NUDT14: variants seen among roughly 807,000 people sequenced by gnomAD.
The protein encoded by NUDT14 is uridine diphosphate glucose pyrophosphatase NUDT14.
In NUDT14, 22 loss-of-function variants were observed where a neutral mutation model predicts 17.5. The ratio of observed to expected loss-of-function variants is 1.26; its 90% CI spans 0.90 to 1.80. The LOEUF (loss-of-function observed/expected upper bound fraction) is 1.80. Ranked by LOEUF, NUDT14 falls within the 40% of genes most tolerant of loss-of-function variation. The pLI, the probability that NUDT14 is intolerant of heterozygous loss-of-function variation, is 0.00. For synonymous variants in NUDT14, 129 were observed against 125.8 expected, an observed-to-expected ratio of 1.03 and a Z score of -0.17; for missense variants, 296 against 295.6, an observed-to-expected ratio of 1.00 and a Z score of -0.01.
intron 4 of NUDT14, among the ~76,000 whole-genome samples, chr14:105,175,310 G>A (rs1233054226): frequency 2.0e-5 from 3 of 152,254 alleles, no homozygotes; most frequent in East Asian, 3.8e-4. Flanking sequence ...GGCCCACCAC[G>A]GGGTAGACAC....
Position 105,181,249 on chromosome 14 carries a change from G to A in NUDT14, c.-40C>T, listed in dbSNP as rs1289546334. The A allele has an allele frequency of 1.1e-5, 5 of 457,156 alleles. No homozygotes were observed. The highest frequency in any genetic ancestry group is 7.6e-5 in the South Asian group (1 of 13,242). 28.3% of individuals were successfully genotyped at this position (457,156 alleles called of 1,614,324 possible). Reference sequence around the variant, plus strand: ...AGGCGGGGGCCGCGAGCTCTGCGGGGGCCGACACGGGGCGGCGCCCTGTCC... The same window carrying A: ...AGGCGGGGGCCGCGAGCTCTGCGGGAGCCGACACGGGGCGGCGCCCTGTCC... On this transcript the variant is annotated 5_prime_UTR_variant, in exon 1 of 5. Coordinates refer to ENST00000392568, the MANE Select transcript of NUDT14 (RefSeq NM_177533.5). This position sits in a 1 kb window ranked among gnomAD's most constrained non-coding sequence, Gnocchi z 5.0.
Position 105,177,822 on chromosome 14 carries a change from A to G in NUDT14, c.82-87T>C. The stretch of plus-strand genomic sequence containing the variant: ...AGGAGGCCACAGACCCATTGCACCC[A>G]CTCCTAACCAGGGAGATCGGCTCGT... On this transcript the variant is annotated intron_variant, in intron 1 of 4. Transcript: ENST00000392568. 3 of 1,257,502 alleles carry G rather than the reference A, an allele frequency of 2.4e-6. No individual in the cohort carries two copies. In the South Asian group the frequency reaches 3.7e-5, roughly 16 times the overall value. The allele number at this position is 1,257,502 out of a possible 1,614,324, so 77.9% of individuals were successfully genotyped here.
rs116285474 is a variant in NUDT14 at position 105,173,019 on chromosome 14, T to G, written c.*2A>C. On this transcript the variant is annotated 3_prime_UTR_variant, in exon 5 of 5. Transcript: ENST00000392568. The surrounding 1 kb of genome is among the most constrained non-coding windows in gnomAD (Gnocchi z 4.7). Reference sequence around the variant, plus strand: ...CTGGCCTCTGTCTAGAACCCTGGAGTCTCACTGGAGATCCAGGTTGGGGGC... The same window carrying G: ...CTGGCCTCTGTCTAGAACCCTGGAGGCTCACTGGAGATCCAGGTTGGGGGC... The G allele has an allele frequency of 6.7e-7, 1 of 1,503,414 alleles. No homozygotes were observed. The highest frequency in any genetic ancestry group is 2.3e-5 in the Admixed American group (1 of 44,172). The allele number at this position is 1,503,414 out of a possible 1,614,324, so 93.1% of individuals were successfully genotyped here.
At chr14:105,175,148 T>C (rs10220575) in intron 4 of NUDT14, among the ~76,000 whole-genome samples, 14,077 of 152,264 alleles carry the variant, frequency 0.092, 838 homozygotes, top group East Asian at 0.2. Flanking sequence ...CAGGGCTGCT[T>C]GACCACTTGC....
chr14:105,177,585 G>A lies in NUDT14; in HGVS notation c.125+107C>T, dbSNP rs1202381702. 2.9e-6 allele frequency: 3 copies of A among 1,052,424 alleles called. No homozygotes were observed. The African/African-American group carries it at 4.7e-5, about 17-fold the overall frequency. 65.2% of individuals were successfully genotyped at this position (1,052,424 alleles called of 1,614,324 possible). On this transcript the variant is annotated intron_variant, in intron 2 of 4. Transcript: ENST00000392568. ...AGAAGGGACTTTTGGAGCCCACGCAGGGAACAGCAACGTCAGGGAGGAGAG... is the reference window on the plus strand; with the variant it reads ...AGAAGGGACTTTTGGAGCCCACGCAAGGAACAGCAACGTCAGGGAGGAGAG...
rs768842524 is a variant in NUDT14, at chr14:105,176,754, C to A, written c.208G>T (p.Val70Leu). The change falls in exon 4 of 5, where the codon GTG becomes TTG. Residue 70 changes from valine to leucine, a missense_variant. Physicochemically the swap from Val to Leu is conservative, Grantham distance 32. Transcript: ENST00000392568. ...AGGGACCCTGGGAAGCGGCGCTCCA[C>A]CTCACCCGCATACACAGCTGCGTGG... The part of the protein sequence containing the change: ...QFRPAVYAGE[V>L]ERRFPGSLAA... The A allele has an allele frequency of 2.5e-6, 4 of 1,612,524 alleles. No individual in the cohort carries two copies. Among genetic ancestry groups the A allele is most frequent in the Non-Finnish European group, 3.4e-6 (4 of 1,179,932 alleles).
In NUDT14 at chr14:105,172,982, G is replaced by T; in HGVS notation, c.*39C>A. 6.8e-7 allele frequency: 1 copy of T among 1,463,022 alleles called. No individual in the cohort carries two copies. Among genetic ancestry groups the T allele is most frequent in the African/African-American group, 1.4e-5 (1 of 69,904 alleles). The allele number at this position is 1,463,022 out of a possible 1,614,324, so 90.6% of individuals were successfully genotyped here. A position where few individuals can be genotyped will look rare whatever the true frequency, so the allele number is the denominator to read the frequency against. On this transcript the variant is annotated 3_prime_UTR_variant, in exon 5 of 5. Coordinates refer to ENST00000392568, the MANE Select transcript of NUDT14 (RefSeq NM_177533.5). ...TATTGGGGTCCGCGGGGTGTGGGGT[G>T]AGTGGCCAAGACTGGCCTCTGTCTA...
Position 105,172,988 on chromosome 14 carries a change from C to T in NUDT14, c.*33G>A. 1.4e-6 allele frequency: 2 copies of T among 1,471,696 alleles called. No homozygotes were observed. Among genetic ancestry groups the T allele is most frequent in the Non-Finnish European group, 1.8e-6 (2 of 1,112,086 alleles). The allele number at this position is 1,471,696 out of a possible 1,614,324, so 91.2% of individuals were successfully genotyped here. On this transcript the variant is annotated 3_prime_UTR_variant, in exon 5 of 5. Coordinates refer to ENST00000392568, the MANE Select transcript of NUDT14 (RefSeq NM_177533.5). ...GGTCCGCGGGGTGTGGGGTGAGTGG[C>T]CAAGACTGGCCTCTGTCTAGAACCC...
chr14:105,177,683 G>A lies in NUDT14; in HGVS notation c.125+9C>T, dbSNP rs749698896. The A allele has an allele frequency of 3.1e-6, 5 of 1,612,154 alleles. No individual in the cohort carries two copies. The highest frequency in any genetic ancestry group is 1.7e-5 in the Admixed American group (1 of 59,996). ...CTTCCCCAGTGGCCAGGCTGGGCCA[G>A]GCTCTCACCTGTCATGCGTCTTCAT... On this transcript the variant is annotated intron_variant, in intron 2 of 4. Coordinates refer to ENST00000392568, the MANE Select transcript of NUDT14 (RefSeq NM_177533.5).
At position 105,176,459 on chromosome 14, in the gene NUDT14, C is replaced by T. The variant is rs181701749; in HGVS notation, c.428+75G>A. The T allele has an allele frequency of 1.2e-4, 140 of 1,214,142 alleles. No individual in the cohort carries two copies. The African/African-American group carries it at 2.0e-3, about 17-fold the overall frequency. 75.2% of individuals were successfully genotyped at this position (1,214,142 alleles called of 1,614,324 possible). Reference sequence around the variant, plus strand: ...AGGAGGAATCCATCCTGCTTGCACACTCCCAGGGACGGGGCCCTCACTCTC... The same window carrying T: ...AGGAGGAATCCATCCTGCTTGCACATTCCCAGGGACGGGGCCCTCACTCTC... On this transcript the variant is annotated intron_variant, in intron 4 of 4. Coordinates refer to ENST00000392568, the MANE Select transcript of NUDT14 (RefSeq NM_177533.5).
chr14:105,175,312 G>A (rs1401743298), intron 4 of NUDT14, among the ~76,000 whole-genome samples: 1 of 152,242 alleles, frequency 6.6e-6, no homozygotes, highest in Non-Finnish European at 1.5e-5. Context: ...CCCACCACGG[G>A]GTAGACACCT....
Position 105,172,963 on chromosome 14 carries a change from G to A in NUDT14, c.*58C>T. On this transcript the variant is annotated 3_prime_UTR_variant, in exon 5 of 5. Transcript: ENST00000392568. Reference sequence around the variant, plus strand: ...CTGGAGCTATGCAAGCCTTTATTGGGGTCCGCGGGGTGTGGGGTGAGTGGC... The same window carrying A: ...CTGGAGCTATGCAAGCCTTTATTGGAGTCCGCGGGGTGTGGGGTGAGTGGC... 6.9e-7 allele frequency: 1 copy of A among 1,442,952 alleles called. No homozygotes were observed. The highest frequency in any genetic ancestry group is 9.1e-7 in the Non-Finnish European group (1 of 1,096,678). 89.4% of individuals were successfully genotyped at this position (1,442,952 alleles called of 1,614,324 possible). A position where few individuals can be genotyped will look rare whatever the true frequency, so the allele number is the denominator to read the frequency against.
In NUDT14 at chr14:105,173,368, C is replaced by A; in HGVS notation, c.429-107G>T. The A allele has an allele frequency of 7.9e-7, 1 of 1,273,596 alleles. No homozygotes were observed. Among genetic ancestry groups the A allele is most frequent in the Non-Finnish European group, 1.0e-6 (1 of 986,098 alleles). The allele number at this position is 1,273,596 out of a possible 1,614,324, so 78.9% of individuals were successfully genotyped here. A position where few individuals can be genotyped will look rare whatever the true frequency, so the allele number is the denominator to read the frequency against. ...CCTCTCCACTCTGCTCCCTCCAGCC[C>A]TCCAGTAGGCAGGACTCTGGGATGC... On this transcript the variant is annotated intron_variant, in intron 4 of 4. Transcript: ENST00000392568. This position sits in a 1 kb window ranked among gnomAD's most constrained non-coding sequence, Gnocchi z 4.7.
chr14:105,177,060 C>T, intron 2 of NUDT14, 33 bp from the exon 3 acceptor site: 1 of 1,603,832 alleles, frequency 6.2e-7, no homozygotes, highest in Non-Finnish European at 8.5e-7. Flanking sequence ...AGCACAGAAG[C>T]ACTCCACTGG....
chr14:105,174,316 C>T (rs1595198273), intron 4 of NUDT14, among the ~76,000 whole-genome samples: 1 of 151,896 alleles, frequency 6.6e-6, no homozygotes, highest in Non-Finnish European at 1.5e-5. Flanking sequence ...AGGGGGAGGG[C>T]CAGGTGTGGA....
chr14:105,174,636 C>T (rs1052476356), intron 4 of NUDT14, among the ~76,000 whole-genome samples: 2 of 152,140 alleles, frequency 1.3e-5, no homozygotes, highest in African/African-American at 2.4e-5. Flanking sequence ...TTTCCGGCGG[C>T]GGCCGCGGCT....
chr14:105,172,958 ATTGG>A lies in NUDT14; in HGVS notation c.*59_*62del. 1 of 1,428,110 alleles carries A rather than the reference ATTGG, an allele frequency of 7.0e-7. No individual in the cohort carries two copies. The highest frequency in any genetic ancestry group is 1.7e-5 in the South Asian group (1 of 60,548). 88.5% of individuals were successfully genotyped at this position (1,428,110 alleles called of 1,614,324 possible). ...AGAAGCTGGAGCTATGCAAGCCTTT[ATTGG>A]GGTCCGCGGGGTGTGGGGTGAGTGG... On this transcript the variant is annotated 3_prime_UTR_variant, in exon 5 of 5. Transcript: ENST00000392568.
At position 105,173,267 on chromosome 14, in the gene NUDT14, G is replaced by C; in HGVS notation, c.429-6C>G. On this transcript the variant is annotated splice_polypyrimidine_tract_variant and splice_region_variant and intron_variant, in intron 4 of 4. Transcript: ENST00000392568. This position sits in a 1 kb window ranked among gnomAD's most constrained non-coding sequence, Gnocchi z 4.7. Reference sequence around the variant, plus strand: ...CAGTCAGTCCCACTCCAGACCTACGGGTTGAGACAGGGTCTGCTGAGTCAC... The same window carrying C: ...CAGTCAGTCCCACTCCAGACCTACGCGTTGAGACAGGGTCTGCTGAGTCAC... The C allele has an allele frequency of 6.6e-7, 1 of 1,516,814 alleles. No individual in the cohort carries two copies. The highest frequency in any genetic ancestry group is 1.3e-5 in the South Asian group (1 of 75,736). 94.0% of individuals were successfully genotyped at this position (1,516,814 alleles called of 1,614,324 possible).
intron 2 of NUDT14, chr14:105,177,418 G>A (rs897475279): frequency 3.6e-6 from 2 of 552,888 alleles, no homozygotes; most frequent in South Asian, 2.0e-5. Flanking sequence ...GATGCTAGGG[G>A]CAAAGGCTCC....
Sources: allele counts gnomAD v4.1 joint callset (sites outside exome capture counted in the v4.1 genomes callset), GRCh38; gene constraint gnomAD v4.1.1; non-coding constraint Gnocchi (gnomAD v3.1); transcripts MANE v1.5; gene names NCBI Gene and HGNC (gene_info 2026-07-23, HGNC 2026-07-21).